PLXNA2: variants seen among roughly 807,000 people sequenced by gnomAD.
PLXNA2 encodes the protein plexin A2.
Under a neutral mutation model 193.5 loss-of-function variants are expected in PLXNA2, and 91 were observed. That is an observed-to-expected ratio of 0.47 (90% CI 0.40 to 0.56). The LOEUF is 0.56. PLXNA2 is among the 20% of genes least tolerant of loss of function. The pLI, the probability that PLXNA2 is intolerant of heterozygous loss-of-function variation, is 0.00. For missense variants in PLXNA2, 1,995 were observed against 2,503.2 expected, an observed-to-expected ratio of 0.80 and a Z score of 4.33; for synonymous variants, 997 against 1,027.3, an observed-to-expected ratio of 0.97 and a Z score of 0.56.
chr1:208,066,837 G>C (rs1048995342), intron 12 of PLXNA2, among the ~76,000 whole-genome samples: 5 of 151,944 alleles, frequency 3.3e-5, no homozygotes, highest in Non-Finnish European at 5.9e-5. Context: ...CCTGACCCTG[G>C]GTAGGCCTAG....
intron 3 of PLXNA2, among the ~76,000 whole-genome samples, chr1:208,203,168 T>A (rs1365951734): frequency 1.3e-5 from 2 of 152,162 alleles, no homozygotes; most frequent in African/African-American, 4.8e-5. Context: ...TTCCCAGCTT[T>A]CAGAAGACCA....
At chr1:208,126,933 C>T (rs1250836061) in intron 4 of PLXNA2, among the ~76,000 whole-genome samples, 1 of 152,160 alleles carries the variant, frequency 6.6e-6, no homozygotes, top group Non-Finnish European at 1.5e-5. Flanking sequence ...GTGACCTTTC[C>T]AATTCAGCAC....
intron 27 of PLXNA2, among the ~76,000 whole-genome samples, chr1:208,034,124 C>T (rs901621612): frequency 6.6e-6 from 1 of 152,368 alleles, no homozygotes; most frequent in African/African-American, 2.4e-5. Flanking sequence ...AACTGGGACA[C>T]TTCTGAGAGT....
chr1:208,031,466 T>C, intron 29 of PLXNA2, 124 bp downstream of exon 29: 2 of 1,379,634 alleles, frequency 1.4e-6, no homozygotes, highest in Non-Finnish European at 2.0e-6. Context: ...TTCCAGGAGC[T>C]TTGGATCACC....
At chr1:208,151,899 A>G (rs600031) in intron 3 of PLXNA2, among the ~76,000 whole-genome samples, 128,703 of 152,162 alleles carry the variant, frequency 0.85, 54,779 homozygotes, top group Non-Finnish European at 0.9. Flanking sequence ...CTACATTAGG[A>G]CTAAAAACTA....
At chr1:208,143,040 T>G (rs2102485456) in intron 3 of PLXNA2, among the ~76,000 whole-genome samples, 1 of 152,354 alleles carries the variant, frequency 6.6e-6, no homozygotes, top group Middle Eastern at 3.4e-3. Context: ...GAATCCTGGC[T>G]TAGCCTCTCC....
intron 3 of PLXNA2, among the ~76,000 whole-genome samples, chr1:208,161,730 T>C (rs1669111739): frequency 6.6e-6 from 1 of 152,162 alleles, no homozygotes; most frequent in African/African-American, 2.4e-5. Context: ...GAAGTGGTCC[T>C]GTTACTCTCA....
At position 208,028,271 on chromosome 1, in the gene PLXNA2, C is replaced by T; in HGVS notation, c.5439-112G>A. ...TGATGTACCCAGTTGCTCCTGCCTCCCTATTTCTCTTCTGATGTGGCTTCC... is the reference window on the plus strand; with the variant it reads ...TGATGTACCCAGTTGCTCCTGCCTCTCTATTTCTCTTCTGATGTGGCTTCC... On this transcript the variant is annotated intron_variant, in intron 30 of 31. Coordinates refer to ENST00000367033, the MANE Select transcript of PLXNA2 (RefSeq NM_025179.4). This position sits in a 1 kb window ranked among gnomAD's most constrained non-coding sequence, Gnocchi z 4.2. 1.0e-6 allele frequency: 1 copy of T among 977,390 alleles called. No individual in the cohort carries two copies. Among genetic ancestry groups the T allele is most frequent in the Non-Finnish European group, 1.5e-6 (1 of 671,512 alleles). The allele number at this position is 977,390 out of a possible 1,614,324, so 60.5% of individuals were successfully genotyped here.
At chr1:208,209,956 T>C (rs919843098) in intron 3 of PLXNA2, 11 of 220,824 alleles carry the variant, frequency 5.0e-5, no homozygotes, top group Non-Finnish European at 9.8e-5. Context: ...AAAAACTTAG[T>C]TTTGCTTGAT....
intron 13 of PLXNA2, among the ~76,000 whole-genome samples, chr1:208,059,275 C>T (rs565353428): frequency 6.6e-6 from 1 of 152,224 alleles, no homozygotes; most frequent in Admixed American, 6.5e-5. Flanking sequence ...TTTCCTTTCC[C>T]TTTTTCCATC....
intron 3 of PLXNA2, 85 bp from the exon 4 acceptor site, chr1:208,142,548 A>G (rs1668488708): frequency 7.4e-7 from 1 of 1,348,790 alleles, no homozygotes; most frequent in Admixed American, 2.6e-5. Context: ...CAGGTAGCTT[A>G]CAGAAGACCA....
At chr1:208,183,229 C>A (rs908991899) in intron 3 of PLXNA2, among the ~76,000 whole-genome samples, 1 of 152,130 alleles carries the variant, frequency 6.6e-6, no homozygotes, top group East Asian at 1.9e-4. Context: ...GGGGAGAAGC[C>A]ACTGATGGCT....
At chr1:208,160,237 G>T (rs888042201) in intron 3 of PLXNA2, among the ~76,000 whole-genome samples, 2 of 152,206 alleles carry the variant, frequency 1.3e-5, no homozygotes, top group African/African-American at 4.8e-5. Flanking sequence ...GAAGTAGAAA[G>T]GGTTATTGCG....
intron 1 of PLXNA2, among the ~76,000 whole-genome samples, chr1:208,222,446 C>T (rs368363564): frequency 3.9e-5 from 6 of 152,298 alleles, no homozygotes; most frequent in East Asian, 3.9e-4. Context: ...TAACTCGGAG[C>T]GTTCCTGATG....
intron 3 of PLXNA2, among the ~76,000 whole-genome samples, chr1:208,202,001 T>TG (rs1670567727): frequency 6.7e-6 from 1 of 150,090 alleles, no homozygotes; most frequent in Non-Finnish European, 1.5e-5. Context: ...CTTTTTGAGA[T>TG]GGAGTCTCTC....
At chr1:208,139,212 T>C (rs1269733237) in intron 4 of PLXNA2, among the ~76,000 whole-genome samples, 2 of 152,220 alleles carry the variant, frequency 1.3e-5, no homozygotes, top group Non-Finnish European at 2.9e-5. Flanking sequence ...AAAGAGACTT[T>C]AGAGTTAGAT....
At chr1:208,136,236 G>A (rs536159517) in intron 4 of PLXNA2, among the ~76,000 whole-genome samples, 29 of 152,306 alleles carry the variant, frequency 1.9e-4, no homozygotes, top group Non-Finnish European at 3.4e-4. Context: ...CACCGTATCT[G>A]AATTCCTGAC....
At chr1:208,123,606 T>C in intron 4 of PLXNA2, among the ~76,000 whole-genome samples, 1 of 152,244 alleles carries the variant, frequency 6.6e-6, no homozygotes. Context: ...CCTGGTAGTC[T>C]GTCCATATGT....
At chr1:208,054,218 T>A (rs1665353040) in intron 14 of PLXNA2, among the ~76,000 whole-genome samples, 1 of 152,160 alleles carries the variant, frequency 6.6e-6, no homozygotes, top group Admixed American at 6.5e-5. Context: ...CACAGCTTTG[T>A]TTATCACATG....
Sources: gnomAD v4.1 joint callset for allele counts (sites outside exome capture counted in the v4.1 genomes callset) on GRCh38, gnomAD v4.1.1 for gene constraint, Gnocchi (gnomAD v3.1) non-coding constraint, MANE v1.5 for transcripts, NCBI Gene and HGNC (gene_info 2026-07-23, HGNC 2026-07-21) for gene names.